Variants in LRRC7 observed in about 807,000 individuals in gnomAD.
LRRC7 encodes the protein leucine-rich repeat-containing protein 7.
Under a neutral mutation model 175.7 loss-of-function variants are expected in LRRC7, and 23 were observed. The observed-to-expected ratio is 0.13, with a 90% CI of 0.09 to 0.19. The LOEUF (loss-of-function observed/expected upper bound fraction) is 0.19, where lower values mean the gene tolerates loss of function less well. Among genes scored for constraint, LRRC7 ranks in the 10% least tolerant of loss-of-function variants. The pLI, the probability that LRRC7 is intolerant of heterozygous loss-of-function variation, is 1.00. For missense variants in LRRC7, 1,354 were observed against 1,904.7 expected (o/e 0.71, Z 5.38); for synonymous variants, 685 against 680.9 (o/e 1.01, Z -0.09).
intron 18 of LRRC7, among the ~76,000 whole-genome samples, chr1:70,030,113 C>A (rs560379419): frequency 2.4e-4 from 37 of 152,270 alleles, no homozygotes; most frequent in Admixed American, 4.6e-4. Flanking sequence ...GCCCTCAACT[C>A]TGTCCTGCAT....
rs1213786094 is a variant in LRRC7 at position 69,935,772 on chromosome 1, CTT to C, written c.711+4206_711+4207del. On this transcript the variant is annotated intron_variant, in intron 8 of 26. Transcript: ENST00000651989. Reference sequence around the variant, plus strand: ...TATTTCTTTTCAGTCTCTGGAGAGTCTTTTTATTTTCTACCTGGTATATTTTG... The same window carrying C: ...TATTTCTTTTCAGTCTCTGGAGAGTCTTTATTTTCTACCTGGTATATTTTG... 5.9e-5 allele frequency among the ~76,000 whole-genome samples: 9 copies of C among 152,174 alleles called. No individual in the cohort carries two copies. The South Asian group carries it at 8.3e-4, about 14-fold the overall frequency.
At chr1:69,644,119 A>T (rs1654645906) in intron 1 of LRRC7, among the ~76,000 whole-genome samples, 1 of 152,128 alleles carries the variant, frequency 6.6e-6, no homozygotes, top group Non-Finnish European at 1.5e-5. Flanking sequence ...ATGTGAAAAG[A>T]TTGCCTGTTC....
intron 2 of LRRC7, among the ~76,000 whole-genome samples, chr1:69,729,245 C>T (rs1667302006): frequency 6.6e-6 from 1 of 152,124 alleles, no homozygotes; most frequent in East Asian, 1.9e-4. Flanking sequence ...TCTTCCAAAT[C>T]TCGTGTCCTC....
intron 16 of LRRC7, among the ~76,000 whole-genome samples, chr1:70,021,671 G>T (rs888948534): frequency 2.6e-5 from 4 of 152,134 alleles, no homozygotes; most frequent in African/African-American, 9.7e-5. Context: ...GGCAGGTGAT[G>T]TTCCTTAGGG....
At chr1:70,070,667 C>A (rs1266817021) in intron 23 of LRRC7, among the ~76,000 whole-genome samples, 1 of 152,124 alleles carries the variant, frequency 6.6e-6, no homozygotes, top group Non-Finnish European at 1.5e-5. Context: ...TTTTCCAATT[C>A]AGCTTCCAGT....
At chr1:69,921,977 G>T (rs1343526640) in intron 7 of LRRC7, among the ~76,000 whole-genome samples, 1 of 152,122 alleles carries the variant, frequency 6.6e-6, no homozygotes, top group Non-Finnish European at 1.5e-5. Flanking sequence ...CCAGGCTGGG[G>T]TGCGATGGCA....
intron 8 of LRRC7, among the ~76,000 whole-genome samples, chr1:69,964,159 T>A (rs991216507): frequency 4.6e-5 from 7 of 152,192 alleles, no homozygotes; most frequent in Admixed American, 2.6e-4. Flanking sequence ...TTTGGGCACA[T>A]TCGTTTGGTT....
At chr1:69,655,532 C>T (rs1656484326) in intron 1 of LRRC7, among the ~76,000 whole-genome samples, 1 of 151,976 alleles carries the variant, frequency 6.6e-6, no homozygotes, top group Non-Finnish European at 1.5e-5. Context: ...AAGAGCTTTC[C>T]CTAAGACTCC....
intron 4 of LRRC7, among the ~76,000 whole-genome samples, chr1:69,807,351 G>T (rs181646505): frequency 6.6e-6 from 1 of 151,944 alleles, no homozygotes; most frequent in Non-Finnish European, 1.5e-5. Flanking sequence ...ATGTTAGCTG[G>T]TTATTTTGCT....
intron 1 of LRRC7, among the ~76,000 whole-genome samples, chr1:69,633,749 A>G (rs1330704055): frequency 6.6e-6 from 1 of 152,078 alleles, no homozygotes. Flanking sequence ...TTAAAAGGTT[A>G]TATTTTATAA....
chr1:70,114,398 T>G (rs1330320757), intron 26 of LRRC7, among the ~76,000 whole-genome samples: 1 of 152,166 alleles, frequency 6.6e-6, no homozygotes, highest in Non-Finnish European at 1.5e-5. Flanking sequence ...GCACAGTGGC[T>G]CACACCTGTA....
rs1313010482 is a variant in LRRC7, at chr1:70,124,957, T to C, written c.*3070T>C. ...CAAGTGATGAAAATTACTAGTAAAA[T>C]TGCAAATTTTGCAAGACAAATAGAT... On this transcript the variant is annotated 3_prime_UTR_variant, in exon 27 of 27. Coordinates refer to ENST00000651989, the MANE Select transcript of LRRC7 (RefSeq NM_001370785.2). Among the ~76,000 whole-genome samples the C allele has an allele frequency of 2.6e-5, 4 of 152,264 alleles. No homozygotes were observed. Among genetic ancestry groups the C allele is most frequent in the Admixed American group, 6.5e-5 (1 of 15,302 alleles).
intron 7 of LRRC7, among the ~76,000 whole-genome samples, chr1:69,842,715 G>A (rs538833788): frequency 1.8e-4 from 28 of 152,130 alleles, no homozygotes; most frequent in Non-Finnish European, 3.7e-4. Context: ...CTGAAGTAAT[G>A]ACAGTATCTT....
In LRRC7 at chr1:69,686,396, A is replaced by T. The variant is rs191765658; in HGVS notation, c.100+7918A>T. Among the ~76,000 whole-genome samples, 10 of 152,340 alleles carry T rather than the reference A, an allele frequency of 6.6e-5. No homozygotes were observed. The East Asian group carries it at 1.9e-3, about 29-fold the overall frequency. On this transcript the variant is annotated intron_variant, in intron 2 of 26. Coordinates refer to ENST00000651989, the MANE Select transcript of LRRC7 (RefSeq NM_001370785.2). ...ATGTTTCATGGTTGAAGCAAAAACTATAATACCATCTGATGTGGTGCACAT... is the reference window on the plus strand; with the variant it reads ...ATGTTTCATGGTTGAAGCAAAAACTTTAATACCATCTGATGTGGTGCACAT...
intron 8 of LRRC7, among the ~76,000 whole-genome samples, chr1:69,949,870 C>T (rs1308885272): frequency 3.3e-5 from 5 of 152,052 alleles, no homozygotes; most frequent in Admixed American, 6.6e-5. Context: ...TCTGACATCC[C>T]AGAGGGACTC....
chr1:69,964,862 A>C (rs1319352982), intron 8 of LRRC7, among the ~76,000 whole-genome samples: 1 of 152,192 alleles, frequency 6.6e-6, no homozygotes. Flanking sequence ...AAGCAGTTTG[A>C]ATCACTTGCT....
chr1:69,975,672 A>G (rs1390298391), intron 8 of LRRC7, among the ~76,000 whole-genome samples: 2 of 152,184 alleles, frequency 1.3e-5, no homozygotes, highest in Non-Finnish European at 2.9e-5. Flanking sequence ...GCCTTATGTT[A>G]ACAGATTACC....
intron 26 of LRRC7, among the ~76,000 whole-genome samples, chr1:70,121,391 A>C (rs1205664836): frequency 1.3e-5 from 2 of 152,062 alleles, no homozygotes; most frequent in Admixed American, 1.3e-4. Context: ...CATGCTGATT[A>C]GTTTATATTA....
intron 23 of LRRC7, among the ~76,000 whole-genome samples, chr1:70,070,937 T>A (rs1662336191): frequency 6.6e-6 from 1 of 152,196 alleles, no homozygotes; most frequent in East Asian, 1.9e-4. Context: ...TACTAGTTGA[T>A]GGGAATGAAT....
Sources: allele counts gnomAD v4.1 joint callset (sites outside exome capture counted in the v4.1 genomes callset), GRCh38; gene constraint gnomAD v4.1.1; transcripts MANE v1.5; gene names NCBI Gene and HGNC (gene_info 2026-07-23, HGNC 2026-07-21).